The following CPA6 variants were observed in gnomAD, a reference collection of about 807,000 sequenced individuals.
The protein encoded by CPA6 is carboxypeptidase B.
A neutral mutation model predicts 63.3 loss-of-function variants in CPA6; 58 were observed. The ratio of observed to expected loss-of-function variants is 0.92; its 90% confidence interval spans 0.74 to 1.14. The LOEUF (loss-of-function observed/expected upper bound fraction) is 1.14. Among genes scored for constraint, CPA6 ranks in the 50% most tolerant of loss-of-function variants. The probability of loss-of-function intolerance (pLI) is 0.00; values close to 1 mark genes in which losing one functional copy is unlikely to be tolerated. For missense variants in CPA6, 565 were observed against 526.6 expected, an observed-to-expected ratio of 1.07 and a Z score of -0.71; for synonymous variants, 185 against 179.0, an observed-to-expected ratio of 1.03 and a Z score of -0.27.
chr8:67,551,866 A>C (rs1326967280), intron 2 of CPA6, among the ~76,000 whole-genome samples: 1 of 152,122 alleles, frequency 6.6e-6, no homozygotes, highest in African/African-American at 2.4e-5. Context: ...TTTATGTATG[A>C]TATGAGGAGT....
At chr8:67,514,669 A>G (rs1446400237) in intron 3 of CPA6, among the ~76,000 whole-genome samples, 1 of 152,232 alleles carries the variant, frequency 6.6e-6, no homozygotes, top group Non-Finnish European at 1.5e-5. Flanking sequence ...TTTATTCTAT[A>G]TCAGTTCCAC....
chr8:67,487,190 G>C (rs1183846473), intron 6 of CPA6, among the ~76,000 whole-genome samples: 1 of 152,096 alleles, frequency 6.6e-6, no homozygotes, highest in African/African-American at 2.4e-5. Context: ...TTCTCCTAAT[G>C]TTATCCCTTC....
At position 67,478,355 on chromosome 8, in the gene CPA6, T is replaced by C. The variant is rs114299695; in HGVS notation, c.838+5413A>G. On this transcript the variant is annotated intron_variant, in intron 8 of 10. Transcript: ENST00000297770. ...CCTTTATAATAAACTGATAAACATA[T>C]ATAAAGTGTTTCTGTGAATCATTGT... Among the ~76,000 whole-genome samples, 455 of 152,330 alleles carry C rather than the reference T, an allele frequency of 3.0e-3. 1 individual carries two copies. The highest frequency in any genetic ancestry group is 5.5e-3 in the Non-Finnish European group (375 of 68,028).
At chr8:67,426,262 T>C (rs28526061) in intron 10 of CPA6, among the ~76,000 whole-genome samples, 13,354 of 152,294 alleles carry the variant, frequency 0.088, 1,986 homozygotes, top group African/African-American at 0.3. Context: ...AGCCGCCGCA[T>C]CCGGCCAACA....
rs1813029601 is a variant in CPA6 at position 67,555,052 on chromosome 8, A to C, written c.193-37005T>G. 2.6e-5 allele frequency among the ~76,000 whole-genome samples: 4 copies of C among 152,204 alleles called. No homozygotes were observed. In the South Asian group the frequency reaches 8.3e-4, roughly 32 times the overall value. On this transcript the variant is annotated intron_variant, in intron 2 of 10. Coordinates refer to ENST00000297770, the MANE Select transcript of CPA6 (RefSeq NM_020361.5). ...AAGCACTGAGAATAAACAATGCTAT[A>C]CCAGGTAGTATCCCTTAATTTGGTC... is the stretch of plus-strand genomic sequence containing the variant.
At chr8:67,520,490 T>C (rs570932917) in intron 2 of CPA6, among the ~76,000 whole-genome samples, 1 of 152,340 alleles carries the variant, frequency 6.6e-6, no homozygotes, top group East Asian at 1.9e-4. Context: ...AAATGAATTA[T>C]TAGTTTTTCT....
chr8:67,639,248 G>A (rs984688897), intron 1 of CPA6, among the ~76,000 whole-genome samples: 2 of 151,578 alleles, frequency 1.3e-5, no homozygotes, highest in Non-Finnish European at 2.9e-5. Context: ...TTCACCAGCT[G>A]GAAACCTCTG....
At chr8:67,463,561 T>A (rs1032131737) in intron 8 of CPA6, among the ~76,000 whole-genome samples, 3 of 152,204 alleles carry the variant, frequency 2.0e-5, no homozygotes, top group Admixed American at 6.5e-5. Flanking sequence ...TATATGTGCA[T>A]GTTTGCTACC....
intron 1 of CPA6, among the ~76,000 whole-genome samples, chr8:67,677,339 CTTCTT>C (rs1816497802): frequency 9.3e-6 from 1 of 107,642 alleles, no homozygotes; most frequent in Admixed American, 1.0e-4. Flanking sequence ...TTCAAAACAC[CTTCTT>C]TTTTTTTTTT....
At chr8:67,613,456 CAG>C (rs1163305171) in intron 2 of CPA6, among the ~76,000 whole-genome samples, 20 of 152,214 alleles carry the variant, frequency 1.3e-4, no homozygotes, top group Admixed American at 1.3e-3. Context: ...ATCCTTCTCT[CAG>C]GGAGTTCTCA....
chr8:67,548,159 TCCTTTCCTTCCTTCCTTTCCTTC>T (rs1488502854), intron 2 of CPA6, among the ~76,000 whole-genome samples: 5 of 112,510 alleles, frequency 4.4e-5, no homozygotes, highest in African/African-American at 1.7e-4. Context: ...CTCTCATCCT[TCCTTTCCTTCCTTCCTTTCCTTC>T]CCTTTCCTTC....
chr8:67,496,525 A>ATATATATATGTATATATATATATATG (rs1811716818), intron 6 of CPA6, among the ~76,000 whole-genome samples: 1 of 55,042 alleles, frequency 1.8e-5, no homozygotes, highest in African/African-American at 6.7e-5. Context: ...TAGTTTATAT[A>ATATATATATGTATATATATATATATG]TATATATATA....
At chr8:67,496,632 C>G (rs1811725266) in intron 6 of CPA6, among the ~76,000 whole-genome samples, 1 of 147,728 alleles carries the variant, frequency 6.8e-6, no homozygotes, top group African/African-American at 2.5e-5. Context: ...ACAATCTTGG[C>G]AGATTGCAAC....
chr8:67,494,739 G>C (rs983432652), intron 6 of CPA6, among the ~76,000 whole-genome samples: 1 of 152,050 alleles, frequency 6.6e-6, no homozygotes, highest in Non-Finnish European at 1.5e-5. Context: ...CCCTAAATTT[G>C]TACCAGGACC....
intron 8 of CPA6, among the ~76,000 whole-genome samples, chr8:67,467,143 G>A (rs1264973593): frequency 6.6e-6 from 1 of 151,958 alleles, no homozygotes; most frequent in Non-Finnish European, 1.5e-5. Flanking sequence ...ATCTTTTTCT[G>A]TTTCTTTATA....
chr8:67,677,172 C>A (rs577277969), intron 1 of CPA6, among the ~76,000 whole-genome samples: 5 of 152,126 alleles, frequency 3.3e-5, no homozygotes, highest in Non-Finnish European at 7.4e-5. Flanking sequence ...TAATTCTTGC[C>A]GTGTCACAGC....
chr8:67,674,200 G>A (rs1284959082), intron 1 of CPA6, among the ~76,000 whole-genome samples: 1 of 152,190 alleles, frequency 6.6e-6, no homozygotes, highest in Non-Finnish European at 1.5e-5. Context: ...GATTTGAACT[G>A]AAGTCTGATT....
Position 67,716,615 on chromosome 8 carries a change from TTCTG to T in CPA6, c.116+29395_116+29398del, listed in dbSNP as rs779928901. ...AGATGAACAGAAGAATGGCTTTGATTTCTGTCTGTCCTTTGCCCATGAGGAATTT... is the reference window on the plus strand; with the variant it reads ...AGATGAACAGAAGAATGGCTTTGATTTCTGTCCTTTGCCCATGAGGAATTT... On this transcript the variant is annotated intron_variant, in intron 1 of 10. Coordinates refer to ENST00000297770, the MANE Select transcript of CPA6 (RefSeq NM_020361.5). Among the ~76,000 whole-genome samples, 43 of 152,320 alleles carry T rather than the reference TTCTG, an allele frequency of 2.8e-4. No individual in the cohort carries two copies. The South Asian group carries it at 3.9e-3, about 14-fold the overall frequency.
intron 8 of CPA6, among the ~76,000 whole-genome samples, chr8:67,441,829 T>C (rs1416460852): frequency 6.6e-6 from 1 of 152,114 alleles, no homozygotes; most frequent in Non-Finnish European, 1.5e-5. Flanking sequence ...GGTTTGGTTG[T>C]TTTTAGGGGC....
Sources: allele counts gnomAD v4.1 joint callset (sites outside exome capture counted in the v4.1 genomes callset), GRCh38; gene constraint gnomAD v4.1.1; transcripts MANE v1.5; gene names NCBI Gene and HGNC (gene_info 2026-07-23, HGNC 2026-07-21).